The following RAB38 variants were observed in gnomAD, a reference collection of about 807,000 sequenced individuals.
The protein encoded by RAB38 is RAB38, member RAS oncogene family.
Under a neutral mutation model 18.4 loss-of-function variants are expected in RAB38, and 15 were observed. The observed-to-expected ratio is 0.82, with a 90% confidence interval of 0.55 to 1.26. The LOEUF (loss-of-function observed/expected upper bound fraction) is 1.26, where lower values mean the gene tolerates loss of function less well. RAB38 is among the 50% of genes most tolerant of loss of function. The pLI is 0.00. For synonymous variants in RAB38, 101 were observed against 104.4 expected (o/e 0.97, Z 0.20); for missense variants, 294 against 267.4 (o/e 1.10, Z -0.69).
At chr11:88,025,332 C>G in the RAB38 span, among the ~76,000 whole-genome samples, 1 of 151,788 alleles carries the variant, frequency 6.6e-6, no homozygotes, top group African/African-American at 2.4e-5. Context: ...AATAGTACAG[C>G]GATGAACACA....
At chr11:87,945,506 T>A in the RAB38 span, among the ~76,000 whole-genome samples, 1 of 151,500 alleles carries the variant, frequency 6.6e-6, no homozygotes, top group Non-Finnish European at 1.5e-5. Flanking sequence ...GAAAACAGAG[T>A]AAAAGAGAAT....
chr11:88,142,306 G>A (rs953253318), intron 2 of RAB38, among the ~76,000 whole-genome samples: 1 of 152,170 alleles, frequency 6.6e-6, no homozygotes, highest in Non-Finnish European at 1.5e-5. Flanking sequence ...TGGAAAACGG[G>A]GATAATGCTT....
the RAB38 span, among the ~76,000 whole-genome samples, chr11:88,056,836 CAT>C: frequency 2.9e-3 from 153 of 52,736 alleles, no homozygotes; most frequent in South Asian, 0.038. Context: ...TAAATAAATA[CAT>C]ACATACATAC....
chr11:87,847,081 G>C, the RAB38 span, among the ~76,000 whole-genome samples: 3 of 151,840 alleles, frequency 2.0e-5, no homozygotes, highest in Non-Finnish European at 4.4e-5. Flanking sequence ...AAGATCTAAA[G>C]TTCATAATTT....
At chr11:87,831,542 G>T in the RAB38 span, among the ~76,000 whole-genome samples, 3 of 152,164 alleles carry the variant, frequency 2.0e-5, no homozygotes, top group African/African-American at 7.2e-5. Context: ...GCCCAAAAAA[G>T]CATGAGCAAA....
the RAB38 span, among the ~76,000 whole-genome samples, chr11:88,015,591 T>G: frequency 1.3e-5 from 2 of 152,132 alleles, no homozygotes; most frequent in Non-Finnish European, 2.9e-5. Flanking sequence ...TGTGGTGATT[T>G]AGATGCTTGT....
At chr11:88,086,228 A>C in the RAB38 span, among the ~76,000 whole-genome samples, 1 of 151,950 alleles carries the variant, frequency 6.6e-6, no homozygotes, top group Non-Finnish European at 1.5e-5. Context: ...AGTATTATAC[A>C]TATTGTTTTA....
At chr11:88,150,369 T>C (rs527601350) in intron 1 of RAB38, among the ~76,000 whole-genome samples, 6 of 152,370 alleles carry the variant, frequency 3.9e-5, no homozygotes, top group Admixed American at 6.5e-5. Flanking sequence ...ATGCCAATAA[T>C]GAAACATATC....
At chr11:87,966,383 GA>G in the RAB38 span, among the ~76,000 whole-genome samples, 1 of 152,200 alleles carries the variant, frequency 6.6e-6, no homozygotes, top group Admixed American at 6.5e-5. Flanking sequence ...AGCACTAGGA[GA>G]TGGAAACACT....
chr11:87,970,695 C>A, the RAB38 span, among the ~76,000 whole-genome samples: 1 of 151,936 alleles, frequency 6.6e-6, no homozygotes. Flanking sequence ...TGGAGAAGGG[C>A]GCTAGGGTGA....
chr11:88,009,505 G>C, the RAB38 span, among the ~76,000 whole-genome samples: 1 of 152,314 alleles, frequency 6.6e-6, no homozygotes, highest in South Asian at 2.1e-4. Flanking sequence ...CATAGAAGCT[G>C]TGTGAAAGGC....
intron 2 of RAB38, among the ~76,000 whole-genome samples, chr11:88,135,227 C>T (rs1375509746): frequency 6.6e-6 from 1 of 152,178 alleles, no homozygotes; most frequent in African/African-American, 2.4e-5. Flanking sequence ...AGCTCCCCTG[C>T]TTTCATGTTC....
the RAB38 span, among the ~76,000 whole-genome samples, chr11:88,024,844 A>T: frequency 2.4e-4 from 37 of 152,146 alleles, no homozygotes; most frequent in Admixed American, 2.4e-3. Flanking sequence ...GAATAGAAGG[A>T]TGGTTGGCAG....
the RAB38 span, among the ~76,000 whole-genome samples, chr11:88,070,030 G>A: frequency 9.8e-5 from 15 of 152,304 alleles, no homozygotes; most frequent in East Asian, 1.9e-4. Flanking sequence ...CAGGCTGTCC[G>A]AGTCAGCAGA....
At chr11:88,158,039 T>C (rs905994658) in intron 1 of RAB38, among the ~76,000 whole-genome samples, 1 of 151,278 alleles carries the variant, frequency 6.6e-6, no homozygotes, top group African/African-American at 2.4e-5. Flanking sequence ...CAAGCTAAAT[T>C]AACAAAGAAA....
At chr11:87,887,502 C>T in the RAB38 span, among the ~76,000 whole-genome samples, 3 of 151,806 alleles carry the variant, frequency 2.0e-5, no homozygotes, top group African/African-American at 7.3e-5. Flanking sequence ...GTCTGAGCAC[C>T]CTGGGTTAAA....
the RAB38 span, among the ~76,000 whole-genome samples, chr11:87,937,304 T>G: frequency 1.1e-4 from 12 of 106,858 alleles, no homozygotes; most frequent in East Asian, 2.8e-3. Flanking sequence ...AACTTTTACT[T>G]GGTCATCATA....
chr11:87,893,069 A>G, the RAB38 span, among the ~76,000 whole-genome samples: 1 of 151,570 alleles, frequency 6.6e-6, no homozygotes, highest in Admixed American at 6.6e-5. Flanking sequence ...CTCCATGTAT[A>G]AATTGTTGTT....
chr11:87,855,676 G>A, the RAB38 span, among the ~76,000 whole-genome samples: 2 of 152,112 alleles, frequency 1.3e-5, no homozygotes, highest in African/African-American at 4.8e-5. Flanking sequence ...CTGTCTTATA[G>A]AATAAACACC....
Sources: allele counts gnomAD v4.1 joint callset (sites outside exome capture counted in the v4.1 genomes callset), GRCh38; gene constraint gnomAD v4.1.1; transcripts MANE v1.5; gene names NCBI Gene and HGNC (gene_info 2026-07-23, HGNC 2026-07-21).